TRIM11: variants seen among roughly 807,000 people sequenced by gnomAD.
The protein encoded by TRIM11 is E3 ubiquitin-protein ligase TRIM11.
In TRIM11, 15 loss-of-function variants were observed where a neutral mutation model predicts 33.4. That is an observed-to-expected ratio of 0.45 (90% CI 0.30 to 0.69). The LOEUF is 0.69. TRIM11 is among the 30% of genes least tolerant of loss of function. The pLI, the probability that TRIM11 is intolerant of heterozygous loss-of-function variation, is 0.08. For synonymous variants in TRIM11, 281 were observed against 302.6 expected, an observed-to-expected ratio of 0.93 and a Z score of 0.74; for missense variants, 499 against 667.6, an observed-to-expected ratio of 0.75 and a Z score of 2.78.
intron 3 of TRIM11, 195 bp from the exon 4 acceptor site, chr1:228,397,360 ATG>A: frequency 1.5e-6 from 1 of 650,540 alleles, no homozygotes. Context: ...AGGCTCTGAC[ATG>A]TGTGCCAGGA....
chr1:228,406,379 C>A lies in TRIM11; in HGVS notation c.183G>T (p.Pro61=), dbSNP rs1300424016. 1.3e-6 allele frequency: 2 copies of A among 1,530,900 alleles called. No individual in the cohort carries two copies. Among genetic ancestry groups the A allele is most frequent in the East Asian group, 2.6e-5 (1 of 38,422 alleles). 94.8% of individuals were successfully genotyped at this position (1,530,900 alleles called of 1,614,324 possible). The part of the protein sequence containing the change: ...YACPECRELS[P]QRNLRPNRPL... ...GGCGGTTGGGCCGCAGGTTCCTCTG[C>A]GGGGACAGCTCGCGGCACTCGGGGC... The change falls in exon 1 of 6, where the codon CCG becomes CCT. Residue 61 remains proline, a synonymous_variant. Coordinates refer to ENST00000284551, the MANE Select transcript of TRIM11 (RefSeq NM_145214.3). This position sits in a 1 kb window ranked among gnomAD's most constrained non-coding sequence, Gnocchi z 8.2.
intron 1 of TRIM11, chr1:228,404,146 TGCA>T (rs945545994): frequency 7.9e-5 from 12 of 152,414 alleles, no homozygotes; most frequent in African/African-American, 2.6e-4. Context: ...TGGGGCTTGG[TGCA>T]GGCCTGGGAT....
At position 228,402,344 on chromosome 1, in the gene TRIM11, GCCAGAGGCTGACA is replaced by G. The variant is rs1483907935; in HGVS notation, c.409-196_409-184del. 6 of 507,856 alleles carry G rather than the reference GCCAGAGGCTGACA, an allele frequency of 1.2e-5. No individual in the cohort carries two copies. The African/African-American group carries it at 1.2e-4, about 10-fold the overall frequency. 31.5% of individuals were successfully genotyped at this position (507,856 alleles called of 1,614,324 possible). On this transcript the variant is annotated intron_variant, in intron 1 of 5. Transcript: ENST00000284551. ...CCTCATGGTAGGTGGGCAGCCTCTT[GCCAGAGGCTGACA>G]GCCCCAGCCACATTCTTTCCTTTTT...
rs1373656259 is a variant in TRIM11, at chr1:228,406,182, G to A, written c.380C>T (p.Pro127Leu). The part of the protein sequence containing the change: ...SGEHWAHRVR[P>L]LQDAAEDLKA... ...GAGGTCTTCGGCCGCGTCCTGCAGC[G>A]GCCGCACGCGGTGCGCCCAGTGCTC... Residue 127 changes from proline (P) to leucine (L), a missense_variant, in exon 1 of 6, where the codon CCG becomes CTG. Transcript: ENST00000284551. The surrounding 1 kb of genome is among the most constrained non-coding windows in gnomAD (Gnocchi z 8.2). The A allele has an allele frequency of 1.4e-6, 2 of 1,426,810 alleles. No homozygotes were observed. Among genetic ancestry groups the A allele is most frequent in the East Asian group, 2.9e-5 (1 of 33,970 alleles). The allele number at this position is 1,426,810 out of a possible 1,614,324, so 88.4% of individuals were successfully genotyped here.
Position 228,394,980 on chromosome 1 carries a change from A to C in TRIM11, c.1132T>G (p.Trp378Gly). Residue 378 changes from tryptophan to glycine, a missense_variant, in exon 6 of 6, where the codon TGG (tryptophan) becomes GGG (glycine). By Grantham distance (184) the Trp-to-Gly change is radical. Transcript: ENST00000284551. The surrounding 1 kb of genome is among the most constrained non-coding windows in gnomAD (Gnocchi z 6.2). ...TAGCTCCCCAGGAAGACCAGGATCC[A>C]GAAGCCGTTGCCCGCGGACAGCTCG... ...KGELSAGNGF[W>G]ILVFLGSYYN... 6.2e-7 allele frequency: 1 copy of C among 1,614,184 alleles called. No homozygotes were observed. Among genetic ancestry groups the C allele is most frequent in the Non-Finnish European group, 8.5e-7 (1 of 1,180,014 alleles).
At chr1:228,404,866 C>T (rs1656346946) in intron 1 of TRIM11, 1 of 152,230 alleles carries the variant, frequency 6.6e-6, no homozygotes, top group Admixed American at 6.5e-5. Context: ...CTATGAAGTT[C>T]TTGTGCATGT....
At position 228,406,106 on chromosome 1, in the gene TRIM11, G is replaced by A. The variant is rs1479217231; in HGVS notation, c.408+48C>T. ...CCTCCCACCCGCCCAGGCCTCCCCA[G>A]TCCCCGGCTCCCCGACGCCCCTGCA... On this transcript the variant is annotated intron_variant, in intron 1 of 5. Transcript: ENST00000284551. This position sits in a 1 kb window ranked among gnomAD's most constrained non-coding sequence, Gnocchi z 8.2. 15 of 873,568 alleles carry A rather than the reference G, an allele frequency of 1.7e-5. No homozygotes were observed. The highest frequency in any genetic ancestry group is 3.6e-5 in the African/African-American group (2 of 55,302). 54.1% of individuals were successfully genotyped at this position (873,568 alleles called of 1,614,324 possible). A position where few individuals can be genotyped will look rare whatever the true frequency, so the allele number is the denominator to read the frequency against.
chr1:228,394,994 G>C lies in TRIM11; in HGVS notation c.1118C>G (p.Ala373Gly). 6.2e-7 allele frequency: 1 copy of C among 1,614,126 alleles called. No homozygotes were observed. Among genetic ancestry groups the C allele is most frequent in the East Asian group, 2.2e-5 (1 of 44,866 alleles). The change falls in exon 6 of 6, where the codon GCG (alanine) becomes GGG (glycine). Residue 373 changes from alanine (A) to glycine (G), a missense_variant. Ala to Gly is a moderately conservative substitution (Grantham distance 60). Transcript: ENST00000284551. This position sits in a 1 kb window ranked among gnomAD's most constrained non-coding sequence, Gnocchi z 6.2. ...GACCAGGATCCAGAAGCCGTTGCCC[G>C]CGGACAGCTCGCCCTTCTCCTTCCT... ...VNRKEKGELS[A>G]GNGFWILVFL...
Position 228,406,193 on chromosome 1 carries a change from G to A in TRIM11, c.369C>T (p.His123=), listed in dbSNP as rs563936969. ...CCGCGTCCTGCAGCGGCCGCACGCGGTGCGCCCAGTGCTCCCCAGAGCGCT... is the reference window on the plus strand; with the variant it reads ...CCGCGTCCTGCAGCGGCCGCACGCGATGCGCCCAGTGCTCCCCAGAGCGCT... The part of the protein sequence containing the change: ...ACERSGEHWA[H]RVRPLQDAAE... Residue 123 remains histidine, a synonymous_variant, in exon 1 of 6, where the codon CAC becomes CAT. Transcript: ENST00000284551. The surrounding 1 kb of genome is among the most constrained non-coding windows in gnomAD (Gnocchi z 8.2). 6.1e-5 allele frequency: 88 copies of A among 1,442,950 alleles called. No individual in the cohort carries two copies. In the African/African-American group the frequency reaches 1.3e-3, roughly 21 times the overall value. The allele number at this position is 1,442,950 out of a possible 1,614,324, so 89.4% of individuals were successfully genotyped here.
chr1:228,400,257 T>C lies in TRIM11; in HGVS notation c.735+707A>G, dbSNP rs552633129. 1.3e-5 allele frequency among the ~76,000 whole-genome samples: 2 copies of C among 152,340 alleles called. No individual in the cohort carries two copies. Among genetic ancestry groups the C allele is most frequent in the East Asian group, 1.9e-4 (1 of 5,186 alleles). On this transcript the variant is annotated intron_variant, in intron 3 of 5. Transcript: ENST00000284551. The surrounding 1 kb of genome is among the most constrained non-coding windows in gnomAD (Gnocchi z 4.5). ...CCAGCTGAACCCCACGGGAAGATGA[T>C]AGCAGACACTCCCAGCCCACACGGG... is the stretch of plus-strand genomic sequence containing the variant.
intron 3 of TRIM11, among the ~76,000 whole-genome samples, chr1:228,399,149 G>A (rs1317262065): frequency 6.6e-6 from 1 of 152,078 alleles, no homozygotes; most frequent in African/African-American, 2.4e-5. Context: ...CCTGGGTGCT[G>A]GGAACCCGGG....
In TRIM11 at chr1:228,406,146, A is replaced by C; in HGVS notation, c.408+8T>G. On this transcript the variant is annotated splice_region_variant and intron_variant, in intron 1 of 5. Transcript: ENST00000284551. The surrounding 1 kb of genome is among the most constrained non-coding windows in gnomAD (Gnocchi z 8.2). ...ACGCCCCTGCACGCCACCCCCGCCC[A>C]GGAGCACCTTGAGGTCTTCGGCCGC... The C allele has an allele frequency of 7.5e-7, 1 of 1,331,928 alleles. No homozygotes were observed. The highest frequency in any genetic ancestry group is 9.6e-7 in the Non-Finnish European group (1 of 1,046,288). The allele number at this position is 1,331,928 out of a possible 1,614,324, so 82.5% of individuals were successfully genotyped here.
rs371991115 is a variant in TRIM11 at position 228,394,996 on chromosome 1, G to A, written c.1116C>T (p.Ser372=). Residue 372 remains serine, a synonymous_variant, in exon 6 of 6, where the codon TCC becomes TCT. Transcript: ENST00000284551. The surrounding 1 kb of genome is among the most constrained non-coding windows in gnomAD (Gnocchi z 6.2). The stretch of plus-strand genomic sequence containing the variant: ...CCAGGATCCAGAAGCCGTTGCCCGC[G>A]GACAGCTCGCCCTTCTCCTTCCTGT... ...NVNRKEKGEL[S]AGNGFWILVF... 27 of 1,614,098 alleles carry A rather than the reference G, an allele frequency of 1.7e-5. No individual in the cohort carries two copies. The African/African-American group carries it at 2.0e-4, about 12-fold the overall frequency.
chr1:228,401,921 GCTCGGTGGGGCCAGGCTGAAGCAGTGA>G lies in TRIM11; in HGVS notation c.504+118_504+144del, dbSNP rs1656240474. ...TGGGAAAGGACCAGCCCTTCAGTGG[GCTCGGTGGGGCCAGGCTGAAGCAGTGA>G]CTGGTCCTGGGGCGCCAAGGGCAAG... On this transcript the variant is annotated intron_variant, in intron 2 of 5. Coordinates refer to ENST00000284551, the MANE Select transcript of TRIM11 (RefSeq NM_145214.3). This position sits in a 1 kb window ranked among gnomAD's most constrained non-coding sequence, Gnocchi z 6.1. The G allele has an allele frequency of 1.9e-6, 1 of 538,390 alleles. No homozygotes were observed. The allele number at this position is 538,390 out of a possible 1,614,324, so 33.4% of individuals were successfully genotyped here.
Position 228,406,780 on chromosome 1 carries a change from C to A in TRIM11, c.-219G>T, listed in dbSNP as rs139131527. 3.5e-6 allele frequency: 1 copy of A among 286,362 alleles called. No individual in the cohort carries two copies. The highest frequency in any genetic ancestry group is 2.4e-5 in the African/African-American group (1 of 40,942). 17.7% of individuals were successfully genotyped at this position (286,362 alleles called of 1,614,324 possible). On this transcript the variant is annotated 5_prime_UTR_variant, in exon 1 of 6. Coordinates refer to ENST00000284551, the MANE Select transcript of TRIM11 (RefSeq NM_145214.3). The surrounding 1 kb of genome is among the most constrained non-coding windows in gnomAD (Gnocchi z 8.2). ...GCGCTGGGCGCGTAGGCTCCGAGCG[C>A]TCGGGGGACGCGGGACGTAGGGATC...
chr1:228,404,522 G>A (rs1057499111), intron 1 of TRIM11: 1 of 152,238 alleles, frequency 6.6e-6, no homozygotes, highest in Non-Finnish European at 1.5e-5. Context: ...TGAAGAACAG[G>A]ATGTCATCCC....
At chr1:228,396,815 C>T in intron 5 of TRIM11, 132 bp downstream of exon 5, 1 of 856,588 alleles carries the variant, frequency 1.2e-6, no homozygotes, top group Non-Finnish European at 2.0e-6. Flanking sequence ...GACGTTTTCC[C>T]AACAACCCAC....
intron 5 of TRIM11, chr1:228,396,719 C>T (rs557332852): frequency 2.8e-6 from 2 of 718,070 alleles, no homozygotes; most frequent in East Asian, 5.4e-5. Context: ...GAATGGAATC[C>T]TTGGATACCC....
At position 228,406,517 on chromosome 1, in the gene TRIM11, G is replaced by A; in HGVS notation, c.45C>T (p.Thr15=). The A allele has an allele frequency of 2.5e-6, 4 of 1,577,730 alleles. No homozygotes were observed. The highest frequency in any genetic ancestry group is 3.4e-6 in the Non-Finnish European group (4 of 1,163,060). Residue 15 remains threonine (T), a synonymous_variant, in exon 1 of 6, where the codon ACC becomes ACT. Transcript: ENST00000284551. This position sits in a 1 kb window ranked among gnomAD's most constrained non-coding sequence, Gnocchi z 8.2. ...TGAAGTAGTCGAGGCAGATGGCGCA[G>A]GTGGCCTCCTCCTGGAGGTTGGTGG... ...DLSTNLQEEA[T]CAICLDYFTD...
Sources: allele counts gnomAD v4.1 joint callset (sites outside exome capture counted in the v4.1 genomes callset), GRCh38; gene constraint gnomAD v4.1.1; non-coding constraint Gnocchi (gnomAD v3.1); transcripts MANE v1.5; gene names NCBI Gene and HGNC (gene_info 2026-07-23, HGNC 2026-07-21).